Variants in MPRIP observed in about 807,000 individuals in gnomAD.
MPRIP encodes myosin phosphatase Rho interacting protein, also known as myosin phosphatase Rho-interacting protein.
A neutral mutation model predicts 234.9 loss-of-function variants in MPRIP; 59 were observed. That is an observed-to-expected ratio of 0.25 (90% CI 0.20 to 0.31). The LOEUF is 0.31. Among genes scored for constraint, MPRIP ranks in the 10% least tolerant of loss-of-function variants. MPRIP has a pLI of 1.00. For missense variants in MPRIP, 2,436 were observed against 3,071.0 expected, an observed-to-expected ratio of 0.79 and a Z score of 4.89; for synonymous variants, 1,144 against 1,263.9, an observed-to-expected ratio of 0.91 and a Z score of 2.01.
At position 17,095,463 on chromosome 17, in the gene MPRIP, G is replaced by A. The variant is rs532356190; in HGVS notation, c.267+17387G>A. Among the ~76,000 whole-genome samples, 263 of 152,310 alleles carry A rather than the reference G, an allele frequency of 1.7e-3. 2 individuals are homozygous for A. The highest frequency in any genetic ancestry group is 6.0e-3 in the African/African-American group (251 of 41,560). ...ACATGGAGAATGACAGTTTTAGGAGGTCTTTCTCTTGGGCTTGTTGGTTTC... is the reference window on the plus strand; with the variant it reads ...ACATGGAGAATGACAGTTTTAGGAGATCTTTCTCTTGGGCTTGTTGGTTTC... On this transcript the variant is annotated intron_variant, in intron 3 of 23. Coordinates refer to ENST00000651222, the MANE Select transcript of MPRIP (RefSeq NM_001364716.4).
At chr17:17,075,659 C>G (rs2089310925) in intron 1 of MPRIP, 51 bp from the exon 2 acceptor site, 2 of 1,512,202 alleles carry the variant, frequency 1.3e-6, no homozygotes, top group Non-Finnish European at 9.2e-7. Flanking sequence ...GACCTGTTCT[C>G]TCTTCTGGGT....
intron 12 of MPRIP, among the ~76,000 whole-genome samples, chr17:17,150,504 G>A (rs1482720535): frequency 1.3e-5 from 2 of 151,836 alleles, no homozygotes; most frequent in Non-Finnish European, 2.9e-5. Flanking sequence ...TTTTTCTTTT[G>A]TTTTTTGTAA....
Position 17,165,338 on chromosome 17 carries a change from C to G in MPRIP, c.3747C>G (p.Val1249=). The G allele has an allele frequency of 1.5e-6, 2 of 1,304,080 alleles. No homozygotes were observed. The highest frequency in any genetic ancestry group is 2.5e-5 in the South Asian group (2 of 81,032). The allele number at this position is 1,304,080 out of a possible 1,614,324, so 80.8% of individuals were successfully genotyped here. The change falls in exon 16 of 24, where the codon GTC becomes GTG. Residue 1249 remains valine (V), a synonymous_variant. Transcript: ENST00000651222. Reference sequence around the variant, plus strand: ...GCACTTTGCTCCCAGGCCAACCAGTCCAAGCCACTAGGGCACCTCTAGGCC... The same window carrying G: ...GCACTTTGCTCCCAGGCCAACCAGTGCAAGCCACTAGGGCACCTCTAGGCC... ...RDGTLLPGQP[V]QATRAPLGLP...
At chr17:17,104,636 CAG>C (rs564778688) in intron 3 of MPRIP, among the ~76,000 whole-genome samples, 6 of 152,184 alleles carry the variant, frequency 3.9e-5, no homozygotes, top group Admixed American at 1.3e-4. Flanking sequence ...TCCTGTGTCA[CAG>C]AGAGACAGAG....
chr17:17,054,410 T>G (rs1460732079), intron 1 of MPRIP, among the ~76,000 whole-genome samples: 1 of 152,232 alleles, frequency 6.6e-6, no homozygotes, highest in African/African-American at 2.4e-5. Flanking sequence ...TATTCATTCA[T>G]GCGTTTTCCA....
intron 3 of MPRIP, among the ~76,000 whole-genome samples, chr17:17,117,650 C>T (rs887102860): frequency 5.3e-5 from 8 of 152,320 alleles, no homozygotes; most frequent in African/African-American, 1.4e-4. Flanking sequence ...TTTTGGCTAT[C>T]GCGAATTATG....
At chr17:17,161,660 C>A (rs1404361677) in intron 15 of MPRIP, among the ~76,000 whole-genome samples, 1 of 152,144 alleles carries the variant, frequency 6.6e-6, no homozygotes, top group Non-Finnish European at 1.5e-5. Context: ...AGCCAATATA[C>A]ATTTATTGTA....
intron 14 of MPRIP, 101 bp from the exon 15 acceptor site, chr17:17,161,139 C>A: frequency 1.3e-6 from 1 of 770,002 alleles, no homozygotes; most frequent in Non-Finnish European, 2.1e-6. Flanking sequence ...GACTCCAAAA[C>A]TCTTGGGCCA....
chr17:17,120,709 C>G (rs1465240807), intron 3 of MPRIP, among the ~76,000 whole-genome samples: 1 of 152,052 alleles, frequency 6.6e-6, no homozygotes, highest in Non-Finnish European at 1.5e-5. Flanking sequence ...GAAAATGAAT[C>G]AAACAAAACT....
At chr17:17,080,971 G>A (rs1317612477) in intron 3 of MPRIP, among the ~76,000 whole-genome samples, 2 of 152,026 alleles carry the variant, frequency 1.3e-5, no homozygotes, top group Non-Finnish European at 2.9e-5. Flanking sequence ...TGTGTACCAG[G>A]GAGCACATAG....
intron 3 of MPRIP, among the ~76,000 whole-genome samples, chr17:17,124,631 C>T (rs1475849506): frequency 6.6e-6 from 1 of 152,182 alleles, no homozygotes; most frequent in East Asian, 1.9e-4. Context: ...GGCCACTTTA[C>T]CATTTCATGT....
intron 19 of MPRIP, 108 bp from the exon 20 acceptor site, chr17:17,175,185 A>G (rs943718652): frequency 4.0e-6 from 6 of 1,511,852 alleles, no homozygotes; most frequent in Non-Finnish European, 4.6e-6. Flanking sequence ...CTGCCTACGC[A>G]GTTCCACAGA....
chr17:17,085,951 C>G (rs1303452609), intron 3 of MPRIP, among the ~76,000 whole-genome samples: 1 of 152,198 alleles, frequency 6.6e-6, no homozygotes, highest in South Asian at 2.1e-4. Flanking sequence ...ACCGGACCAA[C>G]CTCCTTCTCT....
Position 17,062,315 on chromosome 17 carries a change from A to G in MPRIP, c.124-13395A>G, listed in dbSNP as rs146738555. Among the ~76,000 whole-genome samples, 3 of 152,322 alleles carry G rather than the reference A, an allele frequency of 2.0e-5. No homozygotes were observed. The East Asian group carries it at 5.8e-4, about 29-fold the overall frequency. ...AGGCAGGCATCTTCCCCTCCCTTAA[A>G]TAATAACTGGTAAGTGCCATGTAGT... On this transcript the variant is annotated intron_variant, in intron 1 of 23. Transcript: ENST00000651222.
At chr17:17,180,533 G>A (rs371204281) in intron 23 of MPRIP, 28 of 1,335,184 alleles carry the variant, frequency 2.1e-5, no homozygotes, top group South Asian at 1.2e-4. Context: ...ACAGGAGGGC[G>A]GGCGGAGGTG....
At chr17:17,161,387 T>G (rs771021942) in intron 15 of MPRIP, 31 bp downstream of exon 15, 1 of 1,472,004 alleles carries the variant, frequency 6.8e-7, no homozygotes, top group South Asian at 1.2e-5. Flanking sequence ...TGGCCCATGG[T>G]GCGCTCAGGA....
At chr17:17,050,681 T>A (rs2088511352) in intron 1 of MPRIP, among the ~76,000 whole-genome samples, 1 of 152,234 alleles carries the variant, frequency 6.6e-6, no homozygotes, top group Admixed American at 6.5e-5. Context: ...AGTTTCTTTC[T>A]TTGACTATCA....
chr17:17,099,216 C>T (rs770663398), intron 3 of MPRIP, among the ~76,000 whole-genome samples: 3 of 152,206 alleles, frequency 2.0e-5, no homozygotes, highest in Non-Finnish European at 2.9e-5. Context: ...ACACACTCCC[C>T]GTCCTCTGCA....
rs148251737 is a variant in MPRIP at position 17,114,186 on chromosome 17, A to G, written c.268-12516A>G. ...AGGTGACTTTCATTTTCTAATGACT[A>G]ATGACGTCAGGCACCTTTTTATGTG... is the stretch of plus-strand genomic sequence containing the variant. On this transcript the variant is annotated intron_variant, in intron 3 of 23. Coordinates refer to ENST00000651222, the MANE Select transcript of MPRIP (RefSeq NM_001364716.4). Among the ~76,000 whole-genome samples the G allele has an allele frequency of 1.7e-4, 26 of 152,228 alleles. No homozygotes were observed. The East Asian group carries it at 5.0e-3, about 29-fold the overall frequency.
Sources: allele counts gnomAD v4.1 joint callset (sites outside exome capture counted in the v4.1 genomes callset), GRCh38; gene constraint gnomAD v4.1.1; transcripts MANE v1.5; gene names NCBI Gene and HGNC (gene_info 2026-07-23, HGNC 2026-07-21).